PTPRD: variants seen among roughly 807,000 people sequenced by gnomAD.
The protein encoded by PTPRD is receptor-type tyrosine-protein phosphatase delta.
A neutral mutation model predicts 214.5 loss-of-function variants in PTPRD; 34 were observed. That is an observed-to-expected ratio of 0.16 (90% confidence interval 0.12 to 0.21). The LOEUF is 0.21. Among genes scored for constraint, PTPRD ranks in the 10% least tolerant of loss-of-function variants. The pLI, the probability that PTPRD is intolerant of heterozygous loss-of-function variation, is 1.00. For missense variants in PTPRD, 2,545 were observed against 2,398.7 expected, an observed-to-expected ratio of 1.06 and a Z score of -1.27; for synonymous variants, 1,128 against 845.7, an observed-to-expected ratio of 1.33 and a Z score of -5.79.
chr9:9,617,988 C>T (rs539348678), intron 7 of PTPRD, among the ~76,000 whole-genome samples: 275 of 133,868 alleles, frequency 2.1e-3, no homozygotes, highest in South Asian at 3.4e-3. Context: ...AGGAGAATGG[C>T]GTGAACCCGG....
chr9:9,271,399 C>T (rs1228346358), intron 9 of PTPRD, among the ~76,000 whole-genome samples: 2 of 151,166 alleles, frequency 1.3e-5, no homozygotes, highest in East Asian at 2.0e-4. Flanking sequence ...CAGATCAGAC[C>T]AGTTATAACC....
At chr9:10,389,501 T>G (rs1015967897) in intron 2 of PTPRD, among the ~76,000 whole-genome samples, 1 of 151,912 alleles carries the variant, frequency 6.6e-6, no homozygotes, top group Non-Finnish European at 1.5e-5. Flanking sequence ...CTGTTCCCTT[T>G]GTTTCACATA....
intron 8 of PTPRD, among the ~76,000 whole-genome samples, chr9:9,476,781 G>A (rs763795643): frequency 1.3e-5 from 2 of 151,700 alleles, no homozygotes; most frequent in Non-Finnish European, 2.9e-5. Flanking sequence ...TGTTGCCCAG[G>A]CTGGAGGGCG....
intron 9 of PTPRD, among the ~76,000 whole-genome samples, chr9:9,288,260 T>C (rs930393685): frequency 6.6e-6 from 1 of 151,916 alleles, no homozygotes; most frequent in African/African-American, 2.4e-5. Flanking sequence ...CTTGAACATA[T>C]TTATTCAGTA....
intron 3 of PTPRD, among the ~76,000 whole-genome samples, chr9:10,140,254 C>T (rs2098974331): frequency 6.6e-6 from 1 of 151,556 alleles, no homozygotes; most frequent in Admixed American, 6.6e-5. Context: ...CAAATAACCC[C>T]ATGAAAAAGT....
chr9:10,482,512 CTT>C (rs2099107356), intron 2 of PTPRD, among the ~76,000 whole-genome samples: 1 of 1,788 alleles, frequency 5.6e-4, no homozygotes, highest in Non-Finnish European at 1.8e-3. Context: ...ATGATCTTAT[CTT>C]AGAAAACCCT....
intron 8 of PTPRD, among the ~76,000 whole-genome samples, chr9:9,472,193 T>C (rs1394214188): frequency 1.1e-5 from 1 of 89,966 alleles, no homozygotes. Context: ...TCCAATCTTT[T>C]TTTTTTTTTT....
At chr9:9,148,678 G>C (rs574932728) in intron 10 of PTPRD, among the ~76,000 whole-genome samples, 2 of 152,276 alleles carry the variant, frequency 1.3e-5, no homozygotes, top group South Asian at 2.1e-4. Context: ...TCCACTCTAA[G>C]TGAAGCTATT....
At chr9:9,090,206 C>T (rs1459647863) in intron 10 of PTPRD, among the ~76,000 whole-genome samples, 2 of 151,972 alleles carry the variant, frequency 1.3e-5, no homozygotes, top group East Asian at 3.9e-4. Context: ...TCTTCATCTC[C>T]CTGGCCCTCC....
intron 10 of PTPRD, among the ~76,000 whole-genome samples, chr9:9,058,475 G>C (rs1341291866): frequency 3.6e-5 from 1 of 27,682 alleles, no homozygotes; most frequent in Non-Finnish European, 1.8e-4. Flanking sequence ...TTTTGAGACG[G>C]AGTCTCGCTG....
intron 14 of PTPRD, among the ~76,000 whole-genome samples, chr9:8,592,348 A>G (rs2094170085): frequency 1.3e-5 from 2 of 152,148 alleles, no homozygotes; most frequent in Admixed American, 1.3e-4. Context: ...TTTAAAACCA[A>G]TCTAAGCACC....
intron 11 of PTPRD, among the ~76,000 whole-genome samples, chr9:8,959,278 A>G (rs970793729): frequency 6.6e-6 from 1 of 152,000 alleles, no homozygotes; most frequent in Non-Finnish European, 1.5e-5. Context: ...GATGCTATGG[A>G]AACATAATGG....
chr9:10,091,787 C>A (rs765234795), intron 3 of PTPRD, among the ~76,000 whole-genome samples: 1 of 150,430 alleles, frequency 6.6e-6, no homozygotes, highest in African/African-American at 2.4e-5. Context: ...TCTCATTTTT[C>A]TTAGAAGCAA....
At chr9:9,064,842 T>C (rs577812634) in intron 10 of PTPRD, among the ~76,000 whole-genome samples, 3 of 152,316 alleles carry the variant, frequency 2.0e-5, no homozygotes, top group South Asian at 4.1e-4. Flanking sequence ...AAATTAATAC[T>C]GAAATAAGCA....
At chr9:8,832,874 C>T (rs2097327606) in intron 11 of PTPRD, among the ~76,000 whole-genome samples, 2 of 151,964 alleles carry the variant, frequency 1.3e-5, no homozygotes, top group Admixed American at 1.3e-4. Flanking sequence ...CCCCAAAGAA[C>T]AAAAAATAAT....
intron 5 of PTPRD, among the ~76,000 whole-genome samples, chr9:9,895,584 G>C (rs1430815876): frequency 2.6e-5 from 4 of 151,976 alleles, no homozygotes; most frequent in African/African-American, 9.7e-5. Flanking sequence ...CAGAATCCAC[G>C]ATGGTTACAG....
intron 39 of PTPRD, among the ~76,000 whole-genome samples, chr9:8,371,008 G>T (rs919206451): frequency 6.6e-6 from 1 of 152,052 alleles, no homozygotes; most frequent in Non-Finnish European, 1.5e-5. Context: ...CAGTTGGCAA[G>T]AAAGATTATT....
intron 4 of PTPRD, among the ~76,000 whole-genome samples, chr9:10,012,813 C>T (rs2096628823): frequency 6.6e-6 from 1 of 151,868 alleles, no homozygotes; most frequent in Admixed American, 6.6e-5. Context: ...GGTATTGAAT[C>T]ATATGTAATT....
intron 32 of PTPRD, among the ~76,000 whole-genome samples, chr9:8,462,415 G>A (rs1479348451): frequency 1.3e-5 from 2 of 151,946 alleles, no homozygotes; most frequent in African/African-American, 4.8e-5. Context: ...AGTCTCCACT[G>A]CTGCTAGAGG....
Sources: allele counts gnomAD v4.1 joint callset (sites outside exome capture counted in the v4.1 genomes callset), GRCh38; gene constraint gnomAD v4.1.1; transcripts MANE v1.5; gene names NCBI Gene and HGNC (gene_info 2026-07-23, HGNC 2026-07-21).